Variants in GALNTL6 observed in about 807,000 individuals in gnomAD.
GALNTL6 encodes the protein polypeptide N-acetylgalactosaminyltransferase-like 6.
Under a neutral mutation model 73.7 loss-of-function variants are expected in GALNTL6, and 46 were observed. The observed-to-expected ratio is 0.62, with a 90% confidence interval of 0.49 to 0.80. The LOEUF (loss-of-function observed/expected upper bound fraction) is 0.80. Ranked by LOEUF, GALNTL6 falls within the 30% of genes least tolerant of loss-of-function variation. The pLI is 0.00. For synonymous variants in GALNTL6, 259 were observed against 263.7 expected (o/e 0.98, Z 0.17); for missense variants, 604 against 755.0 (o/e 0.80, Z 2.34).
intron 2 of GALNTL6, among the ~76,000 whole-genome samples, chr4:172,183,794 C>CT (rs33972396): frequency 0.43 from 57,842 of 134,588 alleles, 14,644 homozygotes; most frequent in East Asian, 0.79. Flanking sequence ...CTGTTGAAGA[C>CT]TTTTTTTTTT....
At chr4:172,580,458 A>G (rs906462845) in intron 5 of GALNTL6, among the ~76,000 whole-genome samples, 2 of 152,250 alleles carry the variant, frequency 1.3e-5, no homozygotes, top group Non-Finnish European at 2.9e-5. Flanking sequence ...ACATAACTCA[A>G]TACAACCAAA....
chr4:172,771,510 G>A (rs1738758721), intron 5 of GALNTL6, among the ~76,000 whole-genome samples: 1 of 152,276 alleles, frequency 6.6e-6, no homozygotes, highest in African/African-American at 2.4e-5. Flanking sequence ...TTGAGTGTCA[G>A]GTGTATTTCA....
At chr4:172,992,757 GT>G (rs1349427012) in intron 10 of GALNTL6, among the ~76,000 whole-genome samples, 1 of 152,140 alleles carries the variant, frequency 6.6e-6, no homozygotes, top group Non-Finnish European at 1.5e-5. Flanking sequence ...CAACTGGGAG[GT>G]TATTATCTTG....
At chr4:172,406,040 T>C (rs566378726) in intron 5 of GALNTL6, among the ~76,000 whole-genome samples, 39 of 152,180 alleles carry the variant, frequency 2.6e-4, no homozygotes, top group African/African-American at 8.9e-4. Flanking sequence ...TATTGATCTC[T>C]AAACACTTTG....
intron 3 of GALNTL6, among the ~76,000 whole-genome samples, chr4:172,292,694 T>TA (rs2111103270): frequency 6.6e-6 from 1 of 152,252 alleles, no homozygotes; most frequent in East Asian, 1.9e-4. Context: ...TAGAAAATGT[T>TA]GGTATAAAGA....
intron 5 of GALNTL6, among the ~76,000 whole-genome samples, chr4:172,788,533 G>A (rs1739797883): frequency 2.0e-5 from 3 of 151,888 alleles, no homozygotes; most frequent in South Asian, 2.1e-4. Context: ...TTAGCCGGGC[G>A]TGTTGGCGGG....
At chr4:172,668,304 A>G (rs1731783194) in intron 5 of GALNTL6, 1 of 152,224 alleles carries the variant, frequency 6.6e-6, no homozygotes, top group Non-Finnish European at 1.5e-5. Context: ...TGAAATGTCA[A>G]AGGTTATGTA....
chr4:172,263,217 C>G (rs1189948700), intron 3 of GALNTL6, among the ~76,000 whole-genome samples: 4 of 151,494 alleles, frequency 2.6e-5, no homozygotes, highest in Non-Finnish European at 5.9e-5. Context: ...ATAAGTTTTA[C>G]AAACTTTTAG....
chr4:172,368,469 A>G (rs1742653035), intron 5 of GALNTL6, among the ~76,000 whole-genome samples: 1 of 152,230 alleles, frequency 6.6e-6, no homozygotes, highest in Non-Finnish European at 1.5e-5. Flanking sequence ...GCAGTACACC[A>G]ATAAGTTTTC....
At chr4:172,319,345 G>T (rs980398182) in intron 4 of GALNTL6, among the ~76,000 whole-genome samples, 1 of 152,152 alleles carries the variant, frequency 6.6e-6, no homozygotes, top group African/African-American at 2.4e-5. Flanking sequence ...GATATATCAC[G>T]TATTCTCTTG....
At chr4:172,997,769 TG>T (rs921227650) in intron 10 of GALNTL6, among the ~76,000 whole-genome samples, 10 of 152,294 alleles carry the variant, frequency 6.6e-5, no homozygotes, top group Middle Eastern at 3.4e-3. Flanking sequence ...GTATTGTGTT[TG>T]GGAGATGGAC....
chr4:172,977,166 G>A (rs1372362090), intron 10 of GALNTL6, among the ~76,000 whole-genome samples: 1 of 152,176 alleles, frequency 6.6e-6, no homozygotes, highest in Non-Finnish European at 1.5e-5. Flanking sequence ...AGACGAAGAG[G>A]CTGTTTCACA....
chr4:172,401,953 G>GAGAGA lies in GALNTL6; in HGVS notation c.553+53264_553+53265insAGAGA, dbSNP rs1561066531. ...GGAGAGAGGGGGAAAGGGGGAGGGG[G>GAGAGA]GAGAGAGAGAGAGAGAGAGAGAGAG... On this transcript the variant is annotated intron_variant, in intron 5 of 12. Coordinates refer to ENST00000506823, the MANE Select transcript of GALNTL6 (RefSeq NM_001034845.3). Among the ~76,000 whole-genome samples the GAGAGA allele has an allele frequency of 1.5e-3, 142 of 92,258 alleles. 1 individual carries two copies. Among genetic ancestry groups the GAGAGA allele is most frequent in the African/African-American group, 5.6e-3 (124 of 22,052 alleles). 60.5% of individuals were successfully genotyped at this position (92,258 alleles called of 152,430 possible). A position where few individuals can be genotyped will look rare whatever the true frequency, so the allele number is the denominator to read the frequency against.
At chr4:172,291,479 A>C in intron 3 of GALNTL6, among the ~76,000 whole-genome samples, 1 of 152,190 alleles carries the variant, frequency 6.6e-6, no homozygotes, top group East Asian at 1.9e-4. Flanking sequence ...TATAATTGTT[A>C]GTATGATACT....
intron 10 of GALNTL6, among the ~76,000 whole-genome samples, chr4:172,999,470 C>T (rs1751947180): frequency 6.6e-6 from 1 of 152,178 alleles, no homozygotes; most frequent in South Asian, 2.1e-4. Flanking sequence ...GAAATATCTA[C>T]AGGGTCCATC....
intron 2 of GALNTL6, among the ~76,000 whole-genome samples, chr4:172,172,815 C>T (rs1734875273): frequency 6.6e-6 from 1 of 152,184 alleles, no homozygotes. Flanking sequence ...TGTCTGAGTA[C>T]CCATTTACAG....
At chr4:172,126,209 TCAA>T (rs1733289320) in intron 2 of GALNTL6, among the ~76,000 whole-genome samples, 1 of 152,160 alleles carries the variant, frequency 6.6e-6, no homozygotes, top group African/African-American at 2.4e-5. Context: ...ACTTAAGAAG[TCAA>T]TAACAAATGT....
At chr4:172,249,583 G>A (rs1020597757) in intron 3 of GALNTL6, among the ~76,000 whole-genome samples, 1 of 152,104 alleles carries the variant, frequency 6.6e-6, no homozygotes, top group African/African-American at 2.4e-5. Flanking sequence ...GGAGGAAAAA[G>A]TGCTTCCCTG....
At chr4:171,978,376 G>T (rs796074830) in intron 2 of GALNTL6, among the ~76,000 whole-genome samples, 3 of 152,156 alleles carry the variant, frequency 2.0e-5, no homozygotes, top group African/African-American at 7.2e-5. Flanking sequence ...CCAAGAATTG[G>T]CTGAATTCAC....
Sources: gnomAD v4.1 joint callset for allele counts (sites outside exome capture counted in the v4.1 genomes callset) on GRCh38, gnomAD v4.1.1 for gene constraint, MANE v1.5 for transcripts, NCBI Gene and HGNC (gene_info 2026-07-23, HGNC 2026-07-21) for gene names.